The following IL1RL2 variants were observed in gnomAD, a reference collection of about 807,000 sequenced individuals.
IL1RL2 encodes interleukin-1 receptor-like 2.
IL1RL2 carries 68 observed loss-of-function variants against 66.8 expected under a neutral mutation model. That is an observed-to-expected ratio of 1.02 (90% CI 0.84 to 1.25). The LOEUF is 1.25. IL1RL2 is among the 50% of genes most tolerant of loss of function. The pLI is 0.00. For missense variants in IL1RL2, 729 were observed against 709.3 expected, an observed-to-expected ratio of 1.03 and a Z score of -0.32; for synonymous variants, 305 against 264.6, an observed-to-expected ratio of 1.15 and a Z score of -1.48.
At chr2:102,195,466 G>A (rs1013016623) in intron 4 of IL1RL2, among the ~76,000 whole-genome samples, 9 of 151,580 alleles carry the variant, frequency 5.9e-5, no homozygotes, top group African/African-American at 2.2e-4. Context: ...TTCTTTTCAC[G>A]TTGCTTTGCA....
intron 9 of IL1RL2, among the ~76,000 whole-genome samples, chr2:102,231,437 G>T (rs1018267304): frequency 1.3e-5 from 2 of 152,150 alleles, no homozygotes; most frequent in Non-Finnish European, 2.9e-5. Context: ...GGTGGAGGTT[G>T]CAGTGAGCCA....
Position 102,235,162 on chromosome 2 carries a change from A to C in IL1RL2, c.1563A>C (p.Ser521=). 2 of 1,614,234 alleles carry C rather than the reference A, an allele frequency of 1.2e-6. No individual in the cohort carries two copies. The highest frequency in any genetic ancestry group is 1.7e-6 in the Non-Finnish European group (2 of 1,180,044). Residue 521 remains serine (S), a synonymous_variant, in exon 11 of 12, where the codon TCA becomes TCC. Transcript: ENST00000264257. The part of the protein sequence containing the change: ...IRWHGDFTEQ[S]QCMKTKFWKT... The stretch of plus-strand genomic sequence containing the variant: ...GGCATGGGGACTTCACGGAGCAGTC[A>C]CAGTGTATGAAGACCAAGTTTTGGA...
downstream of IL1RL2, among the ~76,000 whole-genome samples, chr2:102,240,161 C>T (rs1406718164): frequency 6.6e-6 from 1 of 152,128 alleles, no homozygotes; most frequent in Non-Finnish European, 1.5e-5. Context: ...GTGTGGTCCA[C>T]TGAAAAGTTG....
chr2:102,236,590 T>G (rs964571925), intron 11 of IL1RL2, among the ~76,000 whole-genome samples: 3 of 152,212 alleles, frequency 2.0e-5, no homozygotes, highest in African/African-American at 7.2e-5. Context: ...GTAAACTATA[T>G]GAACATAAAA....
rs1688276577 is a variant in IL1RL2, at chr2:102,201,724, G to A, written c.649+9G>A. 1 of 1,611,750 alleles carries A rather than the reference G, an allele frequency of 6.2e-7. No homozygotes were observed. Among genetic ancestry groups the A allele is most frequent in the Non-Finnish European group, 8.5e-7 (1 of 1,178,668 alleles). ...CATCACTGTGAGCATTAGTAAGTATGCTCATGTATGCCTGTCGCCTTGTAT... is the reference window on the plus strand; with the variant it reads ...CATCACTGTGAGCATTAGTAAGTATACTCATGTATGCCTGTCGCCTTGTAT... On this transcript the variant is annotated intron_variant, in intron 5 of 11. Coordinates refer to ENST00000264257, the MANE Select transcript of IL1RL2 (RefSeq NM_003854.4).
intron 2 of IL1RL2, among the ~76,000 whole-genome samples, chr2:102,188,371 T>C (rs1997504): frequency 0.059 from 8,950 of 151,962 alleles, 331 homozygotes; most frequent in Non-Finnish European, 0.069. Flanking sequence ...GATCACGAGG[T>C]CAGGAGATCT....
At chr2:102,235,918 CT>C in intron 11 of IL1RL2, 2 of 985,432 alleles carry the variant, frequency 2.0e-6, no homozygotes, top group Non-Finnish European at 2.4e-6. Flanking sequence ...CTTGGTCACC[CT>C]TCCATGTTTG....
chr2:102,235,403 A>G, intron 11 of IL1RL2, 126 bp downstream of exon 11: 1 of 1,473,388 alleles, frequency 6.8e-7, no homozygotes, highest in South Asian at 1.4e-5. Flanking sequence ...GCAGTTGCGT[A>G]CTAGTGAGAG....
chr2:102,213,610 A>G (rs986812105), intron 6 of IL1RL2, among the ~76,000 whole-genome samples: 1 of 152,190 alleles, frequency 6.6e-6, no homozygotes, highest in Non-Finnish European at 1.5e-5. Context: ...TAGTTAAAGA[A>G]TATTTAGAAA....
chr2:102,241,889 T>A (rs956205891), downstream of IL1RL2, among the ~76,000 whole-genome samples: 4 of 152,244 alleles, frequency 2.6e-5, no homozygotes, highest in Non-Finnish European at 5.9e-5. Context: ...AAGCATCTTA[T>A]GTGTTAGAGG....
intron 9 of IL1RL2, among the ~76,000 whole-genome samples, chr2:102,227,357 A>G (rs1690710526): frequency 6.6e-6 from 1 of 152,228 alleles, no homozygotes; most frequent in Non-Finnish European, 1.5e-5. Context: ...CACATAAAAT[A>G]CACAGTACGG....
At chr2:102,223,110 A>T (rs1295265640) in intron 8 of IL1RL2, among the ~76,000 whole-genome samples, 1 of 152,160 alleles carries the variant, frequency 6.6e-6, no homozygotes, top group Admixed American at 6.5e-5. Context: ...TTTTAAGCTC[A>T]TGCTTCTTAA....
In IL1RL2 at chr2:102,206,775, G is replaced by T. The variant is rs543499115; in HGVS notation, c.649+5060G>T. Among the ~76,000 whole-genome samples, 29 of 152,318 alleles carry T rather than the reference G, an allele frequency of 1.9e-4. 1 individual carries two copies. In the South Asian group the frequency reaches 6.0e-3, roughly 32 times the overall value. ...TTTAGGCCCTGGTGCTCTACAATCA[G>T]CCGGTGGCAAAGCCAGCCAGGCCTG... On this transcript the variant is annotated intron_variant, in intron 5 of 11. Transcript: ENST00000264257.
intron 5 of IL1RL2, among the ~76,000 whole-genome samples, chr2:102,209,149 T>C (rs974011489): frequency 6.6e-6 from 1 of 152,234 alleles, no homozygotes; most frequent in African/African-American, 2.4e-5. Flanking sequence ...CTACTTCATG[T>C]TCAATAAACA....
chr2:102,218,814 A>T (rs184256465), intron 6 of IL1RL2, 139 bp from the exon 7 acceptor site: 1 of 725,296 alleles, frequency 1.4e-6, no homozygotes, highest in East Asian at 2.7e-5. Context: ...AAGTAGATTA[A>T]CATTTGCCTA....
At chr2:102,208,624 T>C (rs2871458) in intron 5 of IL1RL2, among the ~76,000 whole-genome samples, 42,686 of 152,180 alleles carry the variant, frequency 0.28, 6,622 homozygotes, top group East Asian at 0.39. Context: ...GACTGAGCTA[T>C]TTCTGGGTGG....
chr2:102,210,849 A>G (rs1261517565), intron 5 of IL1RL2, among the ~76,000 whole-genome samples: 3 of 152,176 alleles, frequency 2.0e-5, no homozygotes, highest in African/African-American at 7.2e-5. Flanking sequence ...TAGAGGAAGG[A>G]CTGGAGACAT....
chr2:102,204,769 G>A (rs1429882319), intron 5 of IL1RL2, among the ~76,000 whole-genome samples: 1 of 151,634 alleles, frequency 6.6e-6, no homozygotes, highest in Non-Finnish European at 1.5e-5. Flanking sequence ...GGTGAAGTGT[G>A]GAAACAATCA....
At chr2:102,226,310 T>C (rs1474726012) in intron 9 of IL1RL2, among the ~76,000 whole-genome samples, 1 of 152,182 alleles carries the variant, frequency 6.6e-6, no homozygotes, top group African/African-American at 2.4e-5. Context: ...GCTGCAACCA[T>C]GTTACAAAAG....
Sources: gnomAD v4.1 joint callset for allele counts (sites outside exome capture counted in the v4.1 genomes callset) on GRCh38, gnomAD v4.1.1 for gene constraint, MANE v1.5 for transcripts, NCBI Gene and HGNC (gene_info 2026-07-23, HGNC 2026-07-21) for gene names.